GC: variants seen among roughly 807,000 people sequenced by gnomAD.
The protein encoded by GC is vitamin D-binding protein.
GC carries 43 observed loss-of-function variants against 56.7 expected under a neutral mutation model. That is an observed-to-expected ratio of 0.76 (90% confidence interval 0.59 to 0.98). The LOEUF is 0.98. GC is among the 50% of genes least tolerant of loss of function. The probability of loss-of-function intolerance (pLI) is 0.00; values close to 1 mark genes in which losing one functional copy is unlikely to be tolerated. For synonymous variants in GC, 216 were observed against 202.7 expected, an observed-to-expected ratio of 1.07 and a Z score of -0.56; for missense variants, 529 against 545.9, an observed-to-expected ratio of 0.97 and a Z score of 0.31.
intron 1 of GC, among the ~76,000 whole-genome samples, chr4:71,790,982 A>T (rs1029940606): frequency 1.3e-5 from 2 of 152,030 alleles, no homozygotes; most frequent in Admixed American, 1.3e-4. Context: ...TGGGTGAAGG[A>T]CATGAACAGA....
chr4:71,746,024 C>G (rs1335103402), intron 12 of GC, 127 bp downstream of exon 12: 1 of 563,336 alleles, frequency 1.8e-6, no homozygotes, highest in East Asian at 3.0e-5. Context: ...GCTTAATATT[C>G]TCATCTGTAA....
intron 1 of GC, among the ~76,000 whole-genome samples, chr4:71,774,310 C>A (rs1412829370): frequency 6.6e-6 from 1 of 152,030 alleles, no homozygotes; most frequent in Non-Finnish European, 1.5e-5. Context: ...GAAACTGCAA[C>A]TGCAATAGGA....
At chr4:71,784,256 A>G, upstream of GC, 1 of 1,211,854 alleles carries the variant, frequency 8.3e-7, no homozygotes. Context: ...GGGATACTGT[A>G]GTGGAAAATC....
At position 71,749,116 on chromosome 4, in the gene GC, G is replaced by A. The variant is rs1298256109; in HGVS notation, c.1396-2911C>T. 2.0e-5 allele frequency among the ~76,000 whole-genome samples: 3 copies of A among 152,110 alleles called. No individual in the cohort carries two copies. The East Asian group carries it at 5.8e-4, about 29-fold the overall frequency. ...AGATCAGTTTACAAAGGCAATCAGA[G>A]GGCTAATTGAAATAGCAGAGGATTT... On this transcript the variant is annotated intron_variant, in intron 11 of 12. Transcript: ENST00000273951.
rs6835052 is a variant in GC at position 71,763,711 on chromosome 4, A to G, written c.606+93T>C. 3.3e-3 allele frequency: 3,802 copies of G among 1,148,278 alleles called. 84 individuals carry two copies. The African/African-American group carries it at 0.052, about 16-fold the overall frequency. The allele number at this position is 1,148,278 out of a possible 1,614,324, so 71.1% of individuals were successfully genotyped here. A position where few individuals can be genotyped will look rare whatever the true frequency, so the allele number is the denominator to read the frequency against. ...CAAGGGTGGCATTTTAGAAACTTTTACTGATTGCAAAATCTCAATTTCTAC... is the reference window on the plus strand; with the variant it reads ...CAAGGGTGGCATTTTAGAAACTTTTGCTGATTGCAAAATCTCAATTTCTAC... On this transcript the variant is annotated intron_variant, in intron 5 of 12. Transcript: ENST00000273951.
At chr4:71,781,365 C>G (rs1742673802) in intron 1 of GC, among the ~76,000 whole-genome samples, 1 of 151,268 alleles carries the variant, frequency 6.6e-6, no homozygotes, top group Non-Finnish European at 1.5e-5. Context: ...TGCACATGTA[C>G]CCTAGAACTT....
chr4:71,752,788 T>C, intron 10 of GC, 138 bp from the exon 11 acceptor site: 1 of 727,284 alleles, frequency 1.4e-6, no homozygotes, highest in Non-Finnish European at 2.3e-6. Context: ...GAAAATTCTA[T>C]ACCTGTGGTA....
chr4:71,786,698 TC>T (rs763452931), upstream of GC, among the ~76,000 whole-genome samples: 13 of 151,800 alleles, frequency 8.6e-5, no homozygotes, highest in Non-Finnish European at 1.6e-4. Flanking sequence ...CTTTTCTCTA[TC>T]CCATGTCTCT....
At chr4:71,801,315 C>T (rs1441430924) in intron 1 of GC, among the ~76,000 whole-genome samples, 1 of 152,158 alleles carries the variant, frequency 6.6e-6, no homozygotes, top group Non-Finnish European at 1.5e-5. Context: ...GTCTCAAAGT[C>T]ATAAATTAAA....
In GC at chr4:71,763,738, A is replaced by G. The variant is rs568229021; in HGVS notation, c.606+66T>C. 7.4e-6 allele frequency: 10 copies of G among 1,358,896 alleles called. No homozygotes were observed. In the Admixed American group the frequency reaches 1.7e-4, roughly 23 times the overall value. 84.2% of individuals were successfully genotyped at this position (1,358,896 alleles called of 1,614,324 possible). On this transcript the variant is annotated intron_variant, in intron 5 of 12. Transcript: ENST00000273951. ...TGATTGCAAAATCTCAATTTCTACCATTATCTAAAAGGAATGCTATTAGAA... is the reference window on the plus strand; with the variant it reads ...TGATTGCAAAATCTCAATTTCTACCGTTATCTAAAAGGAATGCTATTAGAA...
chr4:71,789,079 A>G (rs1398164195), upstream of GC, among the ~76,000 whole-genome samples: 4 of 151,906 alleles, frequency 2.6e-5, no homozygotes, highest in African/African-American at 9.7e-5. Context: ...AAGTATTGAC[A>G]ATTGTAGTAT....
intron 1 of GC, among the ~76,000 whole-genome samples, chr4:71,792,382 A>G (rs1188253379): frequency 6.2e-4 from 95 of 152,266 alleles, no homozygotes; most frequent in Non-Finnish European, 2.9e-5. Context: ...ATGGTATCTC[A>G]TTGTGGTTTT....
At position 71,765,550 on chromosome 4, in the gene GC, G is replaced by A. The variant is rs774755036; in HGVS notation, c.355C>T (p.Arg119Ter). 5.0e-6 allele frequency: 8 copies of A among 1,613,470 alleles called. No individual in the cohort carries two copies. Among genetic ancestry groups the A allele is most frequent in the East Asian group, 4.5e-5 (2 of 44,892 alleles). Reference protein sequence around the residue: ...AECCTKEGLERKLCMAALKHQ... With the variant: ...AECCTKEGLE ...TTCAGAGCAGCCATGCAGAGCTTTC[G>A]TTCCAGGCCCTCTTTGGTGCAGCAC... The change falls in exon 4 of 13, where the codon CGA becomes TGA. Residue 119 changes from arginine to a stop codon, truncating the protein, a stop_gained. Transcript: ENST00000273951. LOFTEE classifies it high-confidence loss of function.
At chr4:71,763,730 T>C in intron 5 of GC, 74 bp downstream of exon 5, 1 of 1,323,782 alleles carries the variant, frequency 7.6e-7, no homozygotes, top group Non-Finnish European at 1.0e-6. Context: ...AAAATCTCAA[T>C]TTCTACCATT....
At chr4:71,746,302 T>C in intron 11 of GC, 97 bp from the exon 12 acceptor site, 1 of 600,294 alleles carries the variant, frequency 1.7e-6, no homozygotes, top group Non-Finnish European at 3.0e-6. Context: ...AAACCTTGGT[T>C]AGGGGAGCGG....
In GC at chr4:71,746,165, A is replaced by G. The variant is rs1741356277; in HGVS notation, c.*11T>C. The G allele has an allele frequency of 3.2e-6, 4 of 1,264,780 alleles. No homozygotes were observed. Among genetic ancestry groups the G allele is most frequent in the Non-Finnish European group, 4.6e-6 (4 of 866,778 alleles). The allele number at this position is 1,264,780 out of a possible 1,614,324, so 78.3% of individuals were successfully genotyped here. On this transcript the variant is annotated 3_prime_UTR_variant, in exon 12 of 13. Transcript: ENST00000273951. ...AATATACTTACCAAAGTTAATAAAC[A>G]TGCTTCAGGACTACAGGATATTCTT...
chr4:71,753,506 G>A lies in GC; in HGVS notation c.1263-856C>T, dbSNP rs567267161. Among the ~76,000 whole-genome samples, 24 of 151,592 alleles carry A rather than the reference G, an allele frequency of 1.6e-4. No homozygotes were observed. The South Asian group carries it at 5.0e-3, about 32-fold the overall frequency. On this transcript the variant is annotated intron_variant, in intron 10 of 12. Coordinates refer to ENST00000273951, the MANE Select transcript of GC (RefSeq NM_000583.4). Reference sequence around the variant, plus strand: ...AGGCAAAAAAAAAAAAAGAAAGTTGGGGGGAGGAGGGAATAGGATCTGAGA... The same window carrying A: ...AGGCAAAAAAAAAAAAAGAAAGTTGAGGGGAGGAGGGAATAGGATCTGAGA...
At chr4:71,758,449 T>A (rs921590889) in intron 6 of GC, among the ~76,000 whole-genome samples, 1 of 152,160 alleles carries the variant, frequency 6.6e-6, no homozygotes, top group African/African-American at 2.4e-5. Flanking sequence ...AAATGTTAGA[T>A]CTAAAGCATC....
intron 11 of GC, among the ~76,000 whole-genome samples, chr4:71,746,535 C>A (rs1188556544): frequency 6.6e-6 from 1 of 151,882 alleles, no homozygotes; most frequent in Non-Finnish European, 1.5e-5. Flanking sequence ...CTCAGCGGAG[C>A]AGATGTCTTC....
Sources: allele counts gnomAD v4.1 joint callset (sites outside exome capture counted in the v4.1 genomes callset), GRCh38; gene constraint gnomAD v4.1.1; transcripts MANE v1.5; gene names NCBI Gene and HGNC (gene_info 2026-07-23, HGNC 2026-07-21).